TANGO6: variants seen among roughly 807,000 people sequenced by gnomAD.
The protein encoded by TANGO6 is transport and golgi organization 6 homolog, also known as transport and Golgi organization protein 6 homolog.
In TANGO6, 90 loss-of-function variants were observed where a neutral mutation model predicts 114.2. That is an observed-to-expected ratio of 0.79 (90% confidence interval 0.66 to 0.94). The LOEUF (loss-of-function observed/expected upper bound fraction) is 0.94, where lower values mean the gene tolerates loss of function less well. TANGO6 is among the 40% of genes least tolerant of loss of function. The probability of loss-of-function intolerance (pLI) is 0.00; values close to 1 mark genes in which losing one functional copy is unlikely to be tolerated. For missense variants in TANGO6, 1,274 were observed against 1,315.3 expected (o/e 0.97, Z 0.49); for synonymous variants, 477 against 509.8 (o/e 0.94, Z 0.87).
intron 15 of TANGO6, among the ~76,000 whole-genome samples, chr16:68,998,643 A>C (rs1964013893): frequency 6.7e-6 from 1 of 150,280 alleles, no homozygotes; most frequent in Non-Finnish European, 1.5e-5. Context: ...AGGCAGGAGA[A>C]TTGCTTGAAC....
At position 69,083,739 on chromosome 16, in the gene TANGO6, C is replaced by T; in HGVS notation, c.*78C>T. On this transcript the variant is annotated 3_prime_UTR_variant, in exon 18 of 18. Transcript: ENST00000261778. ...TGCCCAGGTCTTCCAGCAGGTGGCC[C>T]TGCTGCCTCTTGAGTGCTGGCAGCA... 6.8e-7 allele frequency: 1 copy of T among 1,467,650 alleles called. No individual in the cohort carries two copies. The highest frequency in any genetic ancestry group is 9.1e-7 in the Non-Finnish European group (1 of 1,096,814). The allele number at this position is 1,467,650 out of a possible 1,614,324, so 90.9% of individuals were successfully genotyped here.
At chr16:68,949,636 AG>A (rs1414505168) in intron 14 of TANGO6, among the ~76,000 whole-genome samples, 2 of 152,002 alleles carry the variant, frequency 1.3e-5, no homozygotes, top group African/African-American at 4.8e-5. Context: ...AAAAAAAAAA[AG>A]CTTACTTTAA....
intron 7 of TANGO6, among the ~76,000 whole-genome samples, chr16:68,888,253 C>T (rs562663164): frequency 3.9e-5 from 6 of 152,266 alleles, no homozygotes; most frequent in Non-Finnish European, 7.4e-5. Flanking sequence ...CTCTGAATGC[C>T]TGGGGCCCAA....
At chr16:69,065,409 C>T (rs918489421) in intron 17 of TANGO6, among the ~76,000 whole-genome samples, 11 of 152,216 alleles carry the variant, frequency 7.2e-5, no homozygotes, top group African/African-American at 2.7e-4. Flanking sequence ...TGTCCCTAAA[C>T]AACCTAAACT....
At chr16:68,974,693 C>T (rs916276346) in intron 15 of TANGO6, among the ~76,000 whole-genome samples, 1 of 151,738 alleles carries the variant, frequency 6.6e-6, no homozygotes, top group South Asian at 2.1e-4. Context: ...ACTGCTTAGT[C>T]TCCTTCCCTG....
chr16:68,909,451 A>C, intron 11 of TANGO6, 49 bp downstream of exon 11: 1 of 1,426,848 alleles, frequency 7.0e-7, no homozygotes, highest in Non-Finnish European at 9.2e-7. Context: ...CTTTCCAAAA[A>C]ATAAAGTTTA....
At chr16:68,859,461 G>A (rs1279463025) in intron 1 of TANGO6, among the ~76,000 whole-genome samples, 2 of 152,112 alleles carry the variant, frequency 1.3e-5, no homozygotes, top group African/African-American at 2.4e-5. Flanking sequence ...ATGAGCTGCC[G>A]CACCTGGCCA....
rs557606322 is a variant in TANGO6, at chr16:69,042,709, G to A, written c.3108+2288G>A. ...TGTATAATTAAATAAATTGCTATAG[G>A]GACAATAATACACATTGCTCTTATT... On this transcript the variant is annotated intron_variant, in intron 17 of 17. Coordinates refer to ENST00000261778, the MANE Select transcript of TANGO6 (RefSeq NM_024562.2). Among the ~76,000 whole-genome samples, 4 of 152,176 alleles carry A rather than the reference G, an allele frequency of 2.6e-5. No individual in the cohort carries two copies. The South Asian group carries it at 8.3e-4, about 32-fold the overall frequency.
At chr16:69,056,251 C>T (rs1597074279) in intron 17 of TANGO6, among the ~76,000 whole-genome samples, 1 of 152,068 alleles carries the variant, frequency 6.6e-6, no homozygotes, top group East Asian at 1.9e-4. Flanking sequence ...GTTTGTTTTC[C>T]TCTTCTGCAT....
chr16:69,007,247 ATTT>A (rs1012347398), intron 15 of TANGO6: 1 of 115,764 alleles, frequency 8.6e-6, no homozygotes, highest in African/African-American at 3.2e-5. Flanking sequence ...TATATGCCAC[ATTT>A]TTTTTTCTTT....
At chr16:68,938,625 C>A (rs1963321613) in intron 14 of TANGO6, among the ~76,000 whole-genome samples, 1 of 151,912 alleles carries the variant, frequency 6.6e-6, no homozygotes, top group Non-Finnish European at 1.5e-5. Context: ...GAAAGCATTG[C>A]CAATTAACTA....
At chr16:68,939,321 C>T (rs1271729797) in intron 14 of TANGO6, among the ~76,000 whole-genome samples, 1 of 151,808 alleles carries the variant, frequency 6.6e-6, no homozygotes, top group African/African-American at 2.4e-5. Flanking sequence ...ACCCGGGAGG[C>T]GGAGGTTGCA....
intron 17 of TANGO6, among the ~76,000 whole-genome samples, chr16:69,055,350 T>C (rs1010309590): frequency 6.6e-6 from 1 of 152,180 alleles, no homozygotes; most frequent in Non-Finnish European, 1.5e-5. Flanking sequence ...CCATCTCCTG[T>C]CTATGCTTCC....
chr16:68,972,977 G>A (rs1963723239), intron 14 of TANGO6: 1 of 330,618 alleles, frequency 3.0e-6, no homozygotes, highest in Non-Finnish European at 5.9e-6. Flanking sequence ...CAGGAAGCAA[G>A]GGAGAGTGTT....
chr16:69,072,105 TGA>T, intron 17 of TANGO6, among the ~76,000 whole-genome samples: 3 of 138,106 alleles, frequency 2.2e-5, no homozygotes, highest in Admixed American at 7.4e-5. Flanking sequence ...TGTGTATGTG[TGA>T]AGAGAGAGGG....
At chr16:69,017,547 A>G (rs930189269) in intron 15 of TANGO6, among the ~76,000 whole-genome samples, 1 of 152,014 alleles carries the variant, frequency 6.6e-6, no homozygotes, top group African/African-American at 2.4e-5. Context: ...CTTTAACCAC[A>G]ACAGCCTCCC....
chr16:68,923,437 G>A (rs1343767236), intron 12 of TANGO6, among the ~76,000 whole-genome samples: 1 of 152,180 alleles, frequency 6.6e-6, no homozygotes, highest in African/African-American at 2.4e-5. Flanking sequence ...AATGGAGGAA[G>A]GGGAGAGAGG....
intron 16 of TANGO6, among the ~76,000 whole-genome samples, chr16:69,038,425 G>A (rs962525088): frequency 6.7e-5 from 10 of 149,996 alleles, no homozygotes; most frequent in Non-Finnish European, 1.3e-4. Context: ...GCGAGATCCT[G>A]TTTCAAAAAA....
chr16:69,069,734 T>C (rs536345011), intron 17 of TANGO6, among the ~76,000 whole-genome samples: 1 of 152,312 alleles, frequency 6.6e-6, no homozygotes, highest in Non-Finnish European at 1.5e-5. Flanking sequence ...TGTAGCCTTC[T>C]TTCTTTTTGA....
Sources: allele counts gnomAD v4.1 joint callset (sites outside exome capture counted in the v4.1 genomes callset), GRCh38; gene constraint gnomAD v4.1.1; transcripts MANE v1.5; gene names NCBI Gene and HGNC (gene_info 2026-07-23, HGNC 2026-07-21).